The following KIAA1549L variants were observed in gnomAD, a reference collection of about 807,000 sequenced individuals.
KIAA1549L encodes KIAA1549 like, also known as UPF0606 protein KIAA1549L.
A neutral mutation model predicts 160.7 loss-of-function variants in KIAA1549L; 88 were observed. The ratio of observed to expected loss-of-function variants is 0.55; its 90% CI spans 0.46 to 0.65. The LOEUF is 0.65. KIAA1549L is among the 30% of genes least tolerant of loss of function. The pLI is 0.00. For synonymous variants in KIAA1549L, 950 were observed against 976.7 expected (o/e 0.97, Z 0.51); for missense variants, 2,258 against 2,437.5 (o/e 0.93, Z 1.55).
At chr11:33,613,435 A>G in intron 15 of KIAA1549L, among the ~76,000 whole-genome samples, 1 of 152,216 alleles carries the variant, frequency 6.6e-6, no homozygotes, top group Middle Eastern at 3.2e-3. Flanking sequence ...TTTATAAAGA[A>G]AAGAGGTTTA....
chr11:33,517,305 C>T (rs1218585302), intron 1 of KIAA1549L, among the ~76,000 whole-genome samples: 1 of 152,170 alleles, frequency 6.6e-6, no homozygotes, highest in African/African-American at 2.4e-5. Context: ...TGGCAGCCAC[C>T]CTGTGGCAGG....
chr11:33,432,053 A>G (rs1851258877), intron 1 of KIAA1549L, among the ~76,000 whole-genome samples: 1 of 152,194 alleles, frequency 6.6e-6, no homozygotes, highest in Non-Finnish European at 1.5e-5. Context: ...GGGCCTGCCA[A>G]GCCCACGCCC....
intron 1 of KIAA1549L, among the ~76,000 whole-genome samples, chr11:33,532,834 G>A (rs1270400007): frequency 6.6e-6 from 1 of 152,230 alleles, no homozygotes; most frequent in African/African-American, 2.4e-5. Context: ...TCTTGTGACT[G>A]TTGTGGGAAA....
chr11:33,596,821 A>C (rs1168335148), intron 12 of KIAA1549L, among the ~76,000 whole-genome samples: 2 of 152,056 alleles, frequency 1.3e-5, no homozygotes, highest in Non-Finnish European at 1.5e-5. Flanking sequence ...TTCTGGACGC[A>C]AATTAAAGCC....
Position 33,580,976 on chromosome 11 carries a change from G to GCAAGGGTCCCTGAGGATATCTGGGGGC in KIAA1549L, c.4403-2359_4403-2333dup, listed in dbSNP as rs1447023440. ...TGACCACCTGAAGAAAGGGAGGGAGGCAAGGGTCCCTGAGGATATCTGGGG... is the reference window on the plus strand; with the variant it reads ...TGACCACCTGAAGAAAGGGAGGGAGGCAAGGGTCCCTGAGGATATCTGGGGGCCAAGGGTCCCTGAGGATATCTGGGG... On this transcript the variant is annotated intron_variant, in intron 10 of 20. Coordinates refer to ENST00000658780, the MANE Select transcript of KIAA1549L (RefSeq NM_012194.3). Among the ~76,000 whole-genome samples the GCAAGGGTCCCTGAGGATATCTGGGGGC allele has an allele frequency of 2.0e-5, 3 of 152,110 alleles. No individual in the cohort carries two copies. In the East Asian group the frequency reaches 5.8e-4, roughly 29 times the overall value.
At chr11:33,573,518 A>T (rs1565192687) in intron 9 of KIAA1549L, among the ~76,000 whole-genome samples, 1 of 152,168 alleles carries the variant, frequency 6.6e-6, no homozygotes, top group East Asian at 1.9e-4. Context: ...TCACCACTAC[A>T]CTATAGTATG....
In KIAA1549L at chr11:33,657,951, C is replaced by A. The variant is rs569259639; in HGVS notation, c.5859-799C>A. Among the ~76,000 whole-genome samples, 4 of 152,350 alleles carry A rather than the reference C, an allele frequency of 2.6e-5. No homozygotes were observed. The South Asian group carries it at 8.3e-4, about 32-fold the overall frequency. ...GGGGGGCCAGGCCTGCTGCAGCTGT[C>A]TTTGCCTCTCTCCCATTGGGCTAAT... is the stretch of plus-strand genomic sequence containing the variant. On this transcript the variant is annotated intron_variant, in intron 18 of 20. Coordinates refer to ENST00000658780, the MANE Select transcript of KIAA1549L (RefSeq NM_012194.3).
At chr11:33,493,367 C>T (rs1421115207) in intron 1 of KIAA1549L, among the ~76,000 whole-genome samples, 1 of 152,178 alleles carries the variant, frequency 6.6e-6, no homozygotes, top group Non-Finnish European at 1.5e-5. Flanking sequence ...ATGCTGGCAC[C>T]TTGATCTTGG....
chr11:33,600,087 CCT>C (rs1376761916), intron 13 of KIAA1549L, among the ~76,000 whole-genome samples: 1 of 151,998 alleles, frequency 6.6e-6, no homozygotes, highest in Non-Finnish European at 1.5e-5. Flanking sequence ...AAATGTGCTC[CCT>C]GTTCCCATTT....
chr11:33,583,330 TC>T lies in KIAA1549L; in HGVS notation c.4403-5del, dbSNP rs1565197212. ...TGTCATGTCCCTCCTGCTGGCTCTT[TC>T]CCACAGCCGTGGTGAAGAACCCGCC... On this transcript the variant is annotated splice_region_variant and splice_polypyrimidine_tract_variant and intron_variant, in intron 10 of 20. Transcript: ENST00000658780. 1 of 1,598,380 alleles carries T rather than the reference TC, an allele frequency of 6.3e-7. No individual in the cohort carries two copies. Among genetic ancestry groups the T allele is most frequent in the East Asian group, 2.3e-5 (1 of 44,224 alleles).
intron 1 of KIAA1549L, among the ~76,000 whole-genome samples, chr11:33,392,786 G>C (rs1395876194): frequency 1.3e-5 from 2 of 152,160 alleles, no homozygotes; most frequent in African/African-American, 4.8e-5. Flanking sequence ...TGCGTGTCTT[G>C]AACTCCCGGG....
rs16924379 is a variant in KIAA1549L, at chr11:33,499,542, G to C, written c.239-42260G>C. Among the ~76,000 whole-genome samples, 349 of 152,250 alleles carry C rather than the reference G, an allele frequency of 2.3e-3. 2 individuals carry two copies. The highest frequency in any genetic ancestry group is 8.0e-3 in the African/African-American group (334 of 41,536). On this transcript the variant is annotated intron_variant, in intron 1 of 20. Transcript: ENST00000658780. ...TTCAATATTAGTTGTTGATTGAGTG[G>C]GTGAATAGAATGGTATATGCAGAGG...
intron 1 of KIAA1549L, among the ~76,000 whole-genome samples, chr11:33,378,060 A>C (rs1302680181): frequency 6.6e-6 from 1 of 152,208 alleles, no homozygotes; most frequent in African/African-American, 2.4e-5. Flanking sequence ...GACGAATTTT[A>C]GCCCCCGATT....
intron 1 of KIAA1549L, among the ~76,000 whole-genome samples, chr11:33,378,630 C>T (rs1479844503): frequency 1.3e-5 from 2 of 152,178 alleles, no homozygotes; most frequent in Non-Finnish European, 2.9e-5. Context: ...CTCATCCGAG[C>T]GACTCGTTGC....
Position 33,618,668 on chromosome 11 carries a change from T to C in KIAA1549L, c.5409+6T>C. Reference sequence around the variant, plus strand: ...TCCGCAACAGCGGATACGATGTGAGTCTCTGGTGGGCTGGGTAAATACAAG... The same window carrying C: ...TCCGCAACAGCGGATACGATGTGAGCCTCTGGTGGGCTGGGTAAATACAAG... On this transcript the variant is annotated splice_donor_region_variant and intron_variant, in intron 16 of 20. Transcript: ENST00000658780. 1 of 1,572,760 alleles carries C rather than the reference T, an allele frequency of 6.4e-7. No homozygotes were observed.
intron 1 of KIAA1549L, among the ~76,000 whole-genome samples, chr11:33,472,887 C>CA (rs1455679680): frequency 1.3e-5 from 2 of 152,170 alleles, no homozygotes; most frequent in African/African-American, 4.8e-5. Flanking sequence ...TACTTACCTC[C>CA]AGGCTGTTTC....
chr11:33,466,823 A>G (rs1295522606), intron 1 of KIAA1549L, among the ~76,000 whole-genome samples: 1 of 152,214 alleles, frequency 6.6e-6, no homozygotes, highest in Non-Finnish European at 1.5e-5. Context: ...TTACAGGGAC[A>G]TGGATGAAGC....
chr11:33,605,879 G>C (rs777717333), intron 13 of KIAA1549L, among the ~76,000 whole-genome samples: 6 of 152,198 alleles, frequency 3.9e-5, no homozygotes, highest in African/African-American at 1.2e-4. Context: ...GATACCAGGG[G>C]CCCTGGAACT....
chr11:33,401,820 C>T (rs1467569211), intron 1 of KIAA1549L, among the ~76,000 whole-genome samples: 2 of 152,152 alleles, frequency 1.3e-5, no homozygotes, highest in Non-Finnish European at 2.9e-5. Context: ...CTAGAAAGTT[C>T]TGGGACTAGA....
Sources: gnomAD v4.1 joint callset for allele counts (sites outside exome capture counted in the v4.1 genomes callset) on GRCh38, gnomAD v4.1.1 for gene constraint, MANE v1.5 for transcripts, NCBI Gene and HGNC (gene_info 2026-07-23, HGNC 2026-07-21) for gene names.